IGF1R: variants seen among roughly 807,000 people sequenced by gnomAD.
IGF1R encodes insulin-like growth factor 1 receptor.
Under a neutral mutation model 144.6 loss-of-function variants are expected in IGF1R, and 44 were observed. The ratio of observed to expected loss-of-function variants is 0.30; its 90% CI spans 0.24 to 0.39. IGF1R has a LOEUF of 0.39. IGF1R is among the 10% of genes least tolerant of loss of function. IGF1R has a pLI of 1.00. For synonymous variants in IGF1R, 795 were observed against 722.8 expected, an observed-to-expected ratio of 1.10 and a Z score of -1.60; for missense variants, 1,355 against 1,833.7, an observed-to-expected ratio of 0.74 and a Z score of 4.77.
intron 1 of IGF1R, among the ~76,000 whole-genome samples, chr15:98,664,425 G>A (rs1482618913): frequency 2.6e-5 from 4 of 152,144 alleles, no homozygotes; most frequent in African/African-American, 9.7e-5. Flanking sequence ...AGCACTTTGG[G>A]AGGCCGAGGT....
intron 2 of IGF1R, among the ~76,000 whole-genome samples, chr15:98,716,265 A>G (rs1406274322): frequency 6.6e-6 from 1 of 152,134 alleles, no homozygotes; most frequent in African/African-American, 2.4e-5. Flanking sequence ...TGCTCTGAGA[A>G]GATTTCTTGC....
intron 20 of IGF1R, among the ~76,000 whole-genome samples, chr15:98,951,909 G>T (rs781043475): frequency 1.7e-4 from 26 of 152,216 alleles, no homozygotes; most frequent in Non-Finnish European, 2.9e-4. Flanking sequence ...ACATAAGCTA[G>T]CGTGGCTGTG....
intron 2 of IGF1R, among the ~76,000 whole-genome samples, chr15:98,877,013 A>G (rs1018560524): frequency 1.3e-5 from 2 of 152,256 alleles, no homozygotes; most frequent in African/African-American, 4.8e-5. Flanking sequence ...AATGTTTACA[A>G]GTCCAAAAGT....
intron 1 of IGF1R, among the ~76,000 whole-genome samples, chr15:98,665,615 T>G (rs2052717289): frequency 6.6e-6 from 1 of 152,216 alleles, no homozygotes; most frequent in African/African-American, 2.4e-5. Flanking sequence ...GAAAAACACT[T>G]AGATTAAGTA....
At chr15:98,827,962 TCTACTGA>T (rs1259693546) in intron 2 of IGF1R, among the ~76,000 whole-genome samples, 2 of 152,312 alleles carry the variant, frequency 1.3e-5, no homozygotes, top group Admixed American at 1.3e-4. Flanking sequence ...CCCGCTCCTG[TCTACTGA>T]AAGCTGATTA....
intron 18 of IGF1R, among the ~76,000 whole-genome samples, chr15:98,940,151 C>CT (rs1157905837): frequency 3.9e-5 from 6 of 152,224 alleles, no homozygotes; most frequent in Non-Finnish European, 7.3e-5. Flanking sequence ...AAACCACCTG[C>CT]TTTTACCAGG....
chr15:98,955,399 A>G (rs1432831234), intron 20 of IGF1R, among the ~76,000 whole-genome samples: 1 of 152,344 alleles, frequency 6.6e-6, no homozygotes, highest in South Asian at 2.1e-4. Context: ...GTGGTAAATA[A>G]ACATTTTTAG....
intron 10 of IGF1R, among the ~76,000 whole-genome samples, chr15:98,919,757 G>GT (rs1187505011): frequency 3.3e-5 from 5 of 152,132 alleles, no homozygotes; most frequent in Non-Finnish European, 5.9e-5. Flanking sequence ...GTTAATATTT[G>GT]TTTTTTTGCC....
At chr15:98,695,613 A>G (rs1567080396) in intron 1 of IGF1R, among the ~76,000 whole-genome samples, 1 of 152,210 alleles carries the variant, frequency 6.6e-6, no homozygotes, top group Non-Finnish European at 1.5e-5. Flanking sequence ...ACACCCCAAA[A>G]GAGTTCTCAT....
At position 98,891,251 on chromosome 15, in the gene IGF1R, G is replaced by C. The variant is rs749042597; in HGVS notation, c.641-74G>C. 3.1e-5 allele frequency: 44 copies of C among 1,408,574 alleles called. No individual in the cohort carries two copies. Among genetic ancestry groups the C allele is most frequent in the Middle Eastern group, 2.3e-4 (1 of 4,302 alleles). The allele number at this position is 1,408,574 out of a possible 1,614,324, so 87.3% of individuals were successfully genotyped here. The stretch of plus-strand genomic sequence containing the variant: ...GTGGTAGCAGTGAATGACCCAGAAG[G>C]ATGCTGGCCAGGCCCAGAGAAGGCG... On this transcript the variant is annotated intron_variant, in intron 2 of 20. Coordinates refer to ENST00000650285, the MANE Select transcript of IGF1R (RefSeq NM_000875.5). This position sits in a 1 kb window ranked among gnomAD's most constrained non-coding sequence, Gnocchi z 4.7.
At chr15:98,867,693 GAC>G (rs774879406) in intron 2 of IGF1R, among the ~76,000 whole-genome samples, 3 of 152,166 alleles carry the variant, frequency 2.0e-5, no homozygotes, top group Non-Finnish European at 4.4e-5. Context: ...CAAACGGGTA[GAC>G]CAAGTGTTAA....
intron 2 of IGF1R, among the ~76,000 whole-genome samples, chr15:98,882,907 C>T (rs558879236): frequency 1.1e-3 from 161 of 152,358 alleles, no homozygotes; most frequent in African/African-American, 3.6e-3. Context: ...AGCCCCCTGA[C>T]TAACCAGCCC....
intron 2 of IGF1R, among the ~76,000 whole-genome samples, chr15:98,726,689 C>T (rs2054368911): frequency 6.7e-6 from 1 of 149,228 alleles, no homozygotes. Context: ...CCTCCTTAGG[C>T]AGAATTCATT....
chr15:98,661,419 TCTC>T (rs1208827247), intron 1 of IGF1R, among the ~76,000 whole-genome samples: 1 of 152,140 alleles, frequency 6.6e-6, no homozygotes, highest in Non-Finnish European at 1.5e-5. Context: ...ATCCTTAAAG[TCTC>T]CTCTTCCGAG....
chr15:98,917,051 A>G (rs532031523), intron 10 of IGF1R, 175 bp downstream of exon 10: 9 of 697,490 alleles, frequency 1.3e-5, no homozygotes, highest in South Asian at 1.2e-4. Flanking sequence ...TGCGGAAGCC[A>G]GTCAGCCCTG....
intron 2 of IGF1R, among the ~76,000 whole-genome samples, chr15:98,831,199 T>A (rs1442144746): frequency 1.3e-5 from 2 of 152,238 alleles, no homozygotes; most frequent in African/African-American, 4.8e-5. Flanking sequence ...CAAATTTTCC[T>A]AATTCCTTTC....
intron 1 of IGF1R, among the ~76,000 whole-genome samples, chr15:98,653,168 C>A (rs1293639468): frequency 6.6e-6 from 1 of 151,904 alleles, no homozygotes; most frequent in East Asian, 1.9e-4. Context: ...AATCTTGGTT[C>A]TATGTAGCTT....
At chr15:98,736,570 T>G (rs1461740115) in intron 2 of IGF1R, among the ~76,000 whole-genome samples, 1 of 152,066 alleles carries the variant, frequency 6.6e-6, no homozygotes, top group African/African-American at 2.4e-5. Flanking sequence ...GCAAGGGGGC[T>G]GCATATATTT....
rs886051599 is a variant in IGF1R at position 98,961,936 on chromosome 15, G to A, written c.*4494G>A. On this transcript the variant is annotated 3_prime_UTR_variant, in exon 21 of 21. Transcript: ENST00000650285. ...TTCGTAAAATAGAAGAGCAGTCACT[G>A]TGGAACTACCAAATGGCGAGATGCT... 1 of 233,352 alleles carries A rather than the reference G, an allele frequency of 4.3e-6. No individual in the cohort carries two copies. Among genetic ancestry groups the A allele is most frequent in the Non-Finnish European group, 8.5e-6 (1 of 118,072 alleles). The allele number at this position is 233,352 out of a possible 1,614,324, so 14.5% of individuals were successfully genotyped here.
Sources: allele counts gnomAD v4.1 joint callset (sites outside exome capture counted in the v4.1 genomes callset), GRCh38; gene constraint gnomAD v4.1.1; non-coding constraint Gnocchi (gnomAD v3.1); transcripts MANE v1.5; gene names NCBI Gene and HGNC (gene_info 2026-07-23, HGNC 2026-07-21).